Variants in DNAAF9 observed in about 807,000 individuals in gnomAD.
DNAAF9 encodes the protein shulin.
DNAAF9 carries 90 observed loss-of-function variants against 167.0 expected under a neutral mutation model. The observed-to-expected ratio is 0.54, with a 90% CI of 0.45 to 0.64. The LOEUF is 0.64. DNAAF9 is among the 30% of genes least tolerant of loss of function. The pLI is 0.00. For synonymous variants in DNAAF9, 491 were observed against 508.8 expected (o/e 0.96, Z 0.47); for missense variants, 1,315 against 1,442.2 (o/e 0.91, Z 1.43).
chr20:3,305,347 G>A lies in DNAAF9; in HGVS notation c.1679-804C>T, dbSNP rs118037571. 7.9e-4 allele frequency among the ~76,000 whole-genome samples: 121 copies of A among 152,318 alleles called. 1 individual carries two copies. The East Asian group carries it at 0.016, about 20-fold the overall frequency. ...CTAGGTGAAGCTGCTCTCTGGGGCT[G>A]GTCCAAGCTGAATCTTCTATTCCTG... On this transcript the variant is annotated intron_variant, in intron 20 of 36. Coordinates refer to ENST00000252032, the MANE Select transcript of DNAAF9 (RefSeq NM_001009984.3).
At chr20:3,253,961 ACCTCAAGCCCTGCCT>A in intron 35 of DNAAF9, 142 bp from the exon 36 acceptor site, 1 of 604,470 alleles carries the variant, frequency 1.7e-6, no homozygotes, top group Non-Finnish European at 3.0e-6. Flanking sequence ...CCCCCGGCAA[ACCTCAAGCCCTGCCT>A]GAGGTGGTTC....
At chr20:3,355,288 A>G (rs2083268816) in intron 7 of DNAAF9, among the ~76,000 whole-genome samples, 2 of 152,198 alleles carry the variant, frequency 1.3e-5, no homozygotes, top group South Asian at 4.1e-4. Flanking sequence ...AAATGTTTAA[A>G]CAGAGGTTGG....
Position 3,332,896 on chromosome 20 carries a change from GT to G in DNAAF9, c.982-536del, listed in dbSNP as rs1433409340. ...CGTGCATGCGTGTGTGCGTGTGTGCGTGTGGTGTGTGTGTGTGTGTGTGTGT... is the reference window on the plus strand; with the variant it reads ...CGTGCATGCGTGTGTGCGTGTGTGCGGTGGTGTGTGTGTGTGTGTGTGTGT... On this transcript the variant is annotated intron_variant, in intron 10 of 36. Transcript: ENST00000252032. Among the ~76,000 whole-genome samples, 344 of 79,554 alleles carry G rather than the reference GT, an allele frequency of 4.3e-3. 4 individuals carry two copies. The highest frequency in any genetic ancestry group is 0.015 in the East Asian group (44 of 3,034). The allele number at this position is 79,554 out of a possible 152,430, so 52.2% of individuals were successfully genotyped here. A position where few individuals can be genotyped will look rare whatever the true frequency, so the allele number is the denominator to read the frequency against.
At chr20:3,402,170 T>C (rs1220405698) in intron 1 of DNAAF9, among the ~76,000 whole-genome samples, 3 of 152,200 alleles carry the variant, frequency 2.0e-5, no homozygotes, top group Non-Finnish European at 4.4e-5. Flanking sequence ...GCTAGAATCC[T>C]AGCATTCCTG....
At chr20:3,399,499 C>T (rs958042195) in intron 1 of DNAAF9, among the ~76,000 whole-genome samples, 4 of 152,126 alleles carry the variant, frequency 2.6e-5, no homozygotes, top group African/African-American at 9.7e-5. Context: ...TGAGCCACTG[C>T]GCCCGGCCTC....
chr20:3,323,539 C>T (rs1056602783), intron 14 of DNAAF9, among the ~76,000 whole-genome samples: 2 of 152,038 alleles, frequency 1.3e-5, no homozygotes, highest in Non-Finnish European at 2.9e-5. Context: ...TCTTGGCCTC[C>T]CAAAGTGTTA....
chr20:3,393,600 A>G (rs1306119343), intron 1 of DNAAF9, among the ~76,000 whole-genome samples: 1 of 152,226 alleles, frequency 6.6e-6, no homozygotes, highest in Non-Finnish European at 1.5e-5. Context: ...GCTATGATGG[A>G]ACATTCAGGA....
Position 3,343,098 on chromosome 20 carries a change from G to C in DNAAF9, c.845+578C>G, listed in dbSNP as rs185156725. Reference sequence around the variant, plus strand: ...ATTTATTTATTTTCATTTGCTTCCTGTCATTTTCCTGAGCCAGGAATGAAA... The same window carrying C: ...ATTTATTTATTTTCATTTGCTTCCTCTCATTTTCCTGAGCCAGGAATGAAA... On this transcript the variant is annotated intron_variant, in intron 9 of 36. Transcript: ENST00000252032. Among the ~76,000 whole-genome samples, 14 of 152,164 alleles carry C rather than the reference G, an allele frequency of 9.2e-5. No homozygotes were observed. In the East Asian group the frequency reaches 2.7e-3, roughly 29 times the overall value.
At chr20:3,253,372 C>T (rs1444312185) in intron 36 of DNAAF9, among the ~76,000 whole-genome samples, 1 of 152,068 alleles carries the variant, frequency 6.6e-6, no homozygotes, top group Non-Finnish European at 1.5e-5. Context: ...ACCTGGGAGA[C>T]GGAGGTTGCA....
chr20:3,402,928 C>T (rs116056120), intron 1 of DNAAF9, among the ~76,000 whole-genome samples: 2 of 152,100 alleles, frequency 1.3e-5, no homozygotes, highest in East Asian at 1.9e-4. Flanking sequence ...CTAGATTCTT[C>T]GCAAGTCTTT....
intron 9 of DNAAF9, among the ~76,000 whole-genome samples, chr20:3,341,854 T>C (rs1052847920): frequency 4.4e-4 from 67 of 152,222 alleles, no homozygotes; most frequent in African/African-American, 1.6e-3. Flanking sequence ...CTCGGCTCAC[T>C]GCAAGCTCCA....
chr20:3,293,292 C>CAAAAAAAAAAAAAAA (rs1172725572), intron 25 of DNAAF9, among the ~76,000 whole-genome samples: 1 of 22,872 alleles, frequency 4.4e-5, no homozygotes, highest in Non-Finnish European at 7.5e-5. Flanking sequence ...GACTCCGTCT[C>CAAAAAAAAAAAAAAA]AAAAAAAAAA....
Position 3,321,705 on chromosome 20 carries a change from G to A in DNAAF9, c.1356+512C>T, listed in dbSNP as rs144840963. Among the ~76,000 whole-genome samples the A allele has an allele frequency of 9.0e-3, 1,368 of 152,208 alleles. 19 individuals carry two copies. Among genetic ancestry groups the A allele is most frequent in the African/African-American group, 0.032 (1,314 of 41,536 alleles). ...TGCCTCAGCCTCCTGAGGAGGTCGG[G>A]CTACAGGTGCATGCCACCACACCTG... On this transcript the variant is annotated intron_variant, in intron 16 of 36. Transcript: ENST00000252032.
chr20:3,390,495 G>A (rs1215732472), intron 1 of DNAAF9, among the ~76,000 whole-genome samples: 1 of 151,724 alleles, frequency 6.6e-6, no homozygotes, highest in Non-Finnish European at 1.5e-5. Flanking sequence ...CCTCCCTGTA[G>A]CTGGGATTAC....
intron 3 of DNAAF9, among the ~76,000 whole-genome samples, chr20:3,379,144 C>T (rs1274670459): frequency 1.3e-5 from 2 of 151,756 alleles, no homozygotes; most frequent in African/African-American, 2.4e-5. Flanking sequence ...TAACATGCCT[C>T]AAAGAATTAG....
At chr20:3,340,920 G>A (rs566492689) in intron 9 of DNAAF9, among the ~76,000 whole-genome samples, 2 of 152,122 alleles carry the variant, frequency 1.3e-5, no homozygotes, top group South Asian at 4.1e-4. Flanking sequence ...AGTTCCATAA[G>A]CTTGCTGTCC....
At chr20:3,337,029 G>C (rs1490385901) in intron 10 of DNAAF9, among the ~76,000 whole-genome samples, 5 of 151,514 alleles carry the variant, frequency 3.3e-5, no homozygotes, top group Non-Finnish European at 5.9e-5. Flanking sequence ...ACAGGAGCCT[G>C]CCACCACACC....
intron 28 of DNAAF9, among the ~76,000 whole-genome samples, 170 bp from the exon 29 acceptor site, chr20:3,279,119 T>A (rs2068723506): frequency 6.6e-6 from 1 of 152,074 alleles, no homozygotes; most frequent in Non-Finnish European, 1.5e-5. Flanking sequence ...CAGCTTTCCG[T>A]CAAAGCTCCC....
chr20:3,331,593 C>G (rs778391410), intron 11 of DNAAF9, among the ~76,000 whole-genome samples: 5 of 152,192 alleles, frequency 3.3e-5, no homozygotes, highest in Non-Finnish European at 7.3e-5. Context: ...ATTATGGCCT[C>G]TTCTCACTTT....
Sources: gnomAD v4.1 joint callset for allele counts (sites outside exome capture counted in the v4.1 genomes callset) on GRCh38, gnomAD v4.1.1 for gene constraint, MANE v1.5 for transcripts, NCBI Gene and HGNC (gene_info 2026-07-23, HGNC 2026-07-21) for gene names.